The following DAPK3 variants were observed in gnomAD, a reference collection of about 807,000 sequenced individuals.
DAPK3 encodes death-associated protein kinase 3.
A neutral mutation model predicts 30.6 loss-of-function variants in DAPK3; 24 were observed. That is an observed-to-expected ratio of 0.78 (90% confidence interval 0.57 to 1.10). The LOEUF (loss-of-function observed/expected upper bound fraction) is 1.10, where lower values mean the gene tolerates loss of function less well. Ranked by LOEUF, DAPK3 falls within the 50% of genes least tolerant of loss-of-function variation. The probability of loss-of-function intolerance (pLI) is 0.00; values close to 1 mark genes in which losing one functional copy is unlikely to be tolerated. For missense variants in DAPK3, 629 were observed against 657.3 expected (o/e 0.96, Z 0.47); for synonymous variants, 341 against 284.0 (o/e 1.20, Z -2.02).
At chr19:3,966,522 G>C (rs1008128) in intron 2 of DAPK3, among the ~76,000 whole-genome samples, 8 of 152,100 alleles carry the variant, frequency 5.3e-5, no homozygotes, top group Admixed American at 2.6e-4. Flanking sequence ...GGGCCACCAC[G>C]TAGAAGGCTA....
At position 3,961,077 on chromosome 19, in the gene DAPK3, C is replaced by G. The variant is rs770155589; in HGVS notation, c.714G>C (p.Glu238Asp). ...NISAVNYDFD[E>D]EYFSNTSELA... ...GCTCGCTGGTGTTGCTGAAGTACTC[C>G]TCGTCGAAGTCGTAGTTCACGGCTG... is the stretch of plus-strand genomic sequence containing the variant. The change falls in exon 7 of 9, where the codon GAG (glutamate) becomes GAC (aspartate). Residue 238 changes from glutamate (E) to aspartate (D), a missense_variant. Coordinates refer to ENST00000545797, the MANE Select transcript of DAPK3 (RefSeq NM_001348.3). 3 of 1,613,814 alleles carry G rather than the reference C, an allele frequency of 1.9e-6. No individual in the cohort carries two copies. The highest frequency in any genetic ancestry group is 2.2e-5 in the East Asian group (1 of 44,834).
At chr19:3,960,685 A>C (rs756048833) in intron 7 of DAPK3, among the ~76,000 whole-genome samples, 1 of 150,722 alleles carries the variant, frequency 6.6e-6, no homozygotes, top group Non-Finnish European at 1.5e-5. Flanking sequence ...AGGCTAACGC[A>C]GGAGAATAGC....
At chr19:3,964,139 G>T in intron 4 of DAPK3, 105 bp downstream of exon 4, 3 of 1,086,726 alleles carry the variant, frequency 2.8e-6, no homozygotes, top group Non-Finnish European at 4.0e-6. Context: ...TGGCTTCAGG[G>T]CCGAGGACGC....
chr19:3,959,171 C>A lies in DAPK3; in HGVS notation c.1295G>T (p.Arg432Leu), dbSNP rs1454408768. ...GGCGCGCACGAGGTCCTGCACGAAG[C>A]GCATCTCGGAGGCTACTTGCTTGGC... ...ALAKQVASEM[R>L]FVQDLVRALE... The change falls in exon 9 of 9, where the codon CGC (arginine) becomes CTC (leucine). Residue 432 changes from arginine to leucine, a missense_variant. Physicochemically the swap from Arg to Leu is moderately radical, Grantham distance 102. Transcript: ENST00000545797. The A allele has an allele frequency of 1.3e-6, 2 of 1,595,904 alleles. No homozygotes were observed. Among genetic ancestry groups the A allele is most frequent in the South Asian group, 1.1e-5 (1 of 89,860 alleles).
In DAPK3 at chr19:3,971,074, G is replaced by GCCT. The variant is rs2039629429; in HGVS notation, c.-251_-249dup. The GCCT allele has an allele frequency of 1.3e-5, 2 of 153,962 alleles. No individual in the cohort carries two copies. The highest frequency in any genetic ancestry group is 1.8e-4 in the South Asian group (1 of 5,610). 9.5% of individuals were successfully genotyped at this position (153,962 alleles called of 1,614,324 possible). A position where few individuals can be genotyped will look rare whatever the true frequency, so the allele number is the denominator to read the frequency against. On this transcript the variant is annotated 5_prime_UTR_variant, in exon 1 of 9. Coordinates refer to ENST00000545797, the MANE Select transcript of DAPK3 (RefSeq NM_001348.3). ...CGCCGCCGCGCTGGCCACCGCCGCCGCCTCCAGAAGCCCCGCGCCCCTGCC... is the reference window on the plus strand; with the variant it reads ...CGCCGCCGCGCTGGCCACCGCCGCCGCCTCCTCCAGAAGCCCCGCGCCCCTGCC...
Position 3,959,249 on chromosome 19 carries a change from G to A in DAPK3, c.1217C>T (p.Thr406Ile). The change falls in exon 9 of 9, where the codon ACC (threonine) becomes ATC (isoleucine). Residue 406 changes from threonine (T) to isoleucine (I), a missense_variant. Thr to Ile is a moderately conservative substitution (Grantham distance 89). Transcript: ENST00000545797. ...QEEAKGALLG[T>I]SGLKRRFSRL... ...GCTGAAGCGGCGCTTGAGGCCGCTGGTCCCCAGCAGCGCGCCCTTGGCCTC... is the reference window on the plus strand; with the variant it reads ...GCTGAAGCGGCGCTTGAGGCCGCTGATCCCCAGCAGCGCGCCCTTGGCCTC... 1 of 1,599,992 alleles carries A rather than the reference G, an allele frequency of 6.3e-7. No individual in the cohort carries two copies. Among genetic ancestry groups the A allele is most frequent in the South Asian group, 1.1e-5 (1 of 90,666 alleles).
chr19:3,969,686 T>C lies in DAPK3; in HGVS notation c.50A>G (p.Glu17Gly). ...GCAGACAGCTCACCTGCCCAGCTCCTCCCCCATCTCATAATGGTCCTCCAC... is the reference window on the plus strand; with the variant it reads ...GCAGACAGCTCACCTGCCCAGCTCCCCCCCCATCTCATAATGGTCCTCCAC... ...EDVEDHYEMGEELGSGQFAIV... is the reference protein window; with the variant it reads ...EDVEDHYEMGGELGSGQFAIV... The change falls in exon 2 of 9, where the codon GAG (glutamate) becomes GGG (glycine). Residue 17 changes from glutamate (E) to glycine (G), a missense_variant. By Grantham distance (98) the Glu-to-Gly change is moderately conservative (BLOSUM62 -2). This residue lies in a region of DAPK3 where 306 missense variants were observed against 378.5 expected (regional missense o/e 0.81). Coordinates refer to ENST00000545797, the MANE Select transcript of DAPK3 (RefSeq NM_001348.3). The C allele has an allele frequency of 6.2e-7, 1 of 1,610,092 alleles. No individual in the cohort carries two copies. The highest frequency in any genetic ancestry group is 2.2e-5 in the East Asian group (1 of 44,858).
chr19:3,960,578 A>G (rs908238648), intron 7 of DAPK3, among the ~76,000 whole-genome samples: 11 of 152,130 alleles, frequency 7.2e-5, no homozygotes, highest in Non-Finnish European at 1.0e-4. Flanking sequence ...CAGGAGTTCA[A>G]GACAAGCCTG....
In DAPK3 at chr19:3,958,507, G is replaced by C. The variant is rs1325949231; in HGVS notation, c.*594C>G. The C allele has an allele frequency of 2.2e-6, 1 of 456,716 alleles. No individual in the cohort carries two copies. Among genetic ancestry groups the C allele is most frequent in the Non-Finnish European group, 4.4e-6 (1 of 227,292 alleles). 28.3% of individuals were successfully genotyped at this position (456,716 alleles called of 1,614,324 possible). On this transcript the variant is annotated 3_prime_UTR_variant, in exon 9 of 9. Coordinates refer to ENST00000545797, the MANE Select transcript of DAPK3 (RefSeq NM_001348.3). ...GGCTGCAGAGGGCCGCTCTTGCCTAGGCGTCCACAGGCGCGACGATGGGGC... is the reference window on the plus strand; with the variant it reads ...GGCTGCAGAGGGCCGCTCTTGCCTACGCGTCCACAGGCGCGACGATGGGGC...
In DAPK3 at chr19:3,967,792, A is replaced by G. The variant is rs561439119; in HGVS notation, c.62+1882T>C. Among the ~76,000 whole-genome samples, 46 of 152,268 alleles carry G rather than the reference A, an allele frequency of 3.0e-4. No individual in the cohort carries two copies. The South Asian group carries it at 9.3e-3, about 31-fold the overall frequency. On this transcript the variant is annotated intron_variant, in intron 2 of 8. Transcript: ENST00000545797. ...AAAAATTGCTACATTCTGGGCCTTC[A>G]TCTTGCACTTCATGTATCTCTGAGA...
At chr19:3,960,588 G>T (rs1747149731) in intron 7 of DAPK3, among the ~76,000 whole-genome samples, 1 of 152,040 alleles carries the variant, frequency 6.6e-6, no homozygotes, top group Non-Finnish European at 1.5e-5. Context: ...AGACAAGCCT[G>T]GGCAACATGG....
intron 4 of DAPK3, 105 bp from the exon 5 acceptor site, chr19:3,964,024 G>T: frequency 1.1e-6 from 1 of 872,940 alleles, no homozygotes; most frequent in Non-Finnish European, 1.9e-6. Flanking sequence ...GCAGCCCTTG[G>T]GGGCATGAAT....
chr19:3,960,118 G>A lies in DAPK3; in HGVS notation c.783-14C>T, dbSNP rs758521944. ...GTCATTCTCCGCCTGGAAGACCCCCGCTCTGGTTAGGTACACCTGCACCAT... is the reference window on the plus strand; with the variant it reads ...GTCATTCTCCGCCTGGAAGACCCCCACTCTGGTTAGGTACACCTGCACCAT... On this transcript the variant is annotated splice_polypyrimidine_tract_variant and intron_variant, in intron 7 of 8. Transcript: ENST00000545797. The A allele has an allele frequency of 9.4e-6, 14 of 1,483,174 alleles. No homozygotes were observed. Among genetic ancestry groups the A allele is most frequent in the Non-Finnish European group, 1.1e-5 (12 of 1,061,086 alleles). 91.9% of individuals were successfully genotyped at this position (1,483,174 alleles called of 1,614,324 possible).
At chr19:3,960,715 G>A (rs2039500283) in intron 7 of DAPK3, among the ~76,000 whole-genome samples, 1 of 148,830 alleles carries the variant, frequency 6.7e-6, no homozygotes, top group African/African-American at 2.5e-5. Context: ...GGAGGCAGAG[G>A]CTGCAGTGAG....
intron 6 of DAPK3, 100 bp from the exon 7 acceptor site, chr19:3,961,261 T>C: frequency 1.0e-6 from 1 of 953,142 alleles, no homozygotes; most frequent in Non-Finnish European, 1.6e-6. Flanking sequence ...GAAGACAGGC[T>C]GACGGCAGGT....
At chr19:3,963,596 A>C in intron 6 of DAPK3, 47 bp downstream of exon 6, 1 of 1,311,762 alleles carries the variant, frequency 7.6e-7, no homozygotes. Flanking sequence ...CCGGGGACCC[A>C]TGCCAGCTGT....
At chr19:3,969,280 A>T (rs2039610932) in intron 2 of DAPK3, among the ~76,000 whole-genome samples, 1 of 152,160 alleles carries the variant, frequency 6.6e-6, no homozygotes. Flanking sequence ...CTGGGACTAC[A>T]GGCATGAGCT....
chr19:3,965,000 G>A lies in DAPK3; in HGVS notation c.63-9C>T, dbSNP rs371498792. 3.8e-6 allele frequency: 6 copies of A among 1,561,824 alleles called. No homozygotes were observed. In the East Asian group the frequency reaches 1.1e-4, roughly 29 times the overall value. ...CGATCGCAAACTGGCCGCTGGAGGA[G>A]GGGGAGGGAGTGAGTGGGGGTGGAG... On this transcript the variant is annotated splice_polypyrimidine_tract_variant and intron_variant, in intron 2 of 8. Transcript: ENST00000545797.
In DAPK3 at chr19:3,959,321, C is replaced by T. The variant is rs763032380; in HGVS notation, c.1145G>A (p.Arg382Gln). Residue 382 changes from arginine to glutamine, a missense_variant, in exon 9 of 9, where the codon CGG (arginine) becomes CAG (glutamine). By Grantham distance (43) the Arg-to-Gln change is conservative. Transcript: ENST00000545797. Reference sequence around the variant, plus strand: ...CGCCTCGGTCTTGAGCAGCTCCTGCCGTAGCCTCCGCAGGTCCTGGCCCAG... The same window carrying T: ...CGCCTCGGTCTTGAGCAGCTCCTGCTGTAGCCTCCGCAGGTCCTGGCCCAG... ...DSLGQDLRRL[R>Q]QELLKTEALK... 3.1e-6 allele frequency: 5 copies of T among 1,592,988 alleles called. No individual in the cohort carries two copies. The highest frequency in any genetic ancestry group is 3.4e-6 in the Non-Finnish European group (4 of 1,176,558).
Sources: gnomAD v4.1 joint callset for allele counts (sites outside exome capture counted in the v4.1 genomes callset) on GRCh38, gnomAD v4.1.1 for gene constraint, gnomAD v4.1.1 regional missense constraint, MANE v1.5 for transcripts, NCBI Gene and HGNC (gene_info 2026-07-23, HGNC 2026-07-21) for gene names.